Variants in AFF3 observed in about 807,000 individuals in gnomAD.
The protein encoded by AFF3 is AF4/FMR2 family member 3.
In AFF3, 32 loss-of-function variants were observed where a neutral mutation model predicts 129.7. The observed-to-expected ratio is 0.25, with a 90% CI of 0.19 to 0.33. AFF3 has a LOEUF of 0.33. AFF3 is among the 10% of genes least tolerant of loss of function. The pLI is 1.00. For missense variants in AFF3, 1,373 were observed against 1,592.0 expected, an observed-to-expected ratio of 0.86 and a Z score of 2.34; for synonymous variants, 644 against 635.4, an observed-to-expected ratio of 1.01 and a Z score of -0.20.
intron 4 of AFF3, among the ~76,000 whole-genome samples, chr2:100,017,757 C>G (rs1455891379): frequency 1.3e-5 from 2 of 152,172 alleles, no homozygotes; most frequent in African/African-American, 2.4e-5. Context: ...ACAAGAGGCT[C>G]TGAGGTTAAC....
At chr2:99,905,641 TTTCAAAAA>T (rs1421491609) in intron 7 of AFF3, among the ~76,000 whole-genome samples, 1 of 152,188 alleles carries the variant, frequency 6.6e-6, no homozygotes, top group Non-Finnish European at 1.5e-5. Context: ...GAATTTTATA[TTTCAAAAA>T]CTATAACAGA....
intron 7 of AFF3, among the ~76,000 whole-genome samples, chr2:99,951,644 C>T (rs1164471539): frequency 6.6e-6 from 1 of 152,006 alleles, no homozygotes; most frequent in African/African-American, 2.4e-5. Flanking sequence ...ATTACAATAC[C>T]TTTTTATTTA....
rs867429428 is a variant in AFF3, at chr2:100,061,861, G to C, written c.53+42541C>G. Among the ~76,000 whole-genome samples, 20 of 151,310 alleles carry C rather than the reference G, an allele frequency of 1.3e-4. 1 individual carries two copies. The highest frequency in any genetic ancestry group is 3.3e-4 in the Admixed American group (5 of 15,204). On this transcript the variant is annotated intron_variant, in intron 4 of 24. Transcript: ENST00000672756. The stretch of plus-strand genomic sequence containing the variant: ...AAGAGATGGGTAGCACAGTGGAGGG[G>C]GGGGGGGTGCCGACTCTCAAGTCCA...
chr2:99,847,086 T>G (rs1266622264), intron 7 of AFF3, among the ~76,000 whole-genome samples: 2 of 152,206 alleles, frequency 1.3e-5, no homozygotes, highest in Admixed American at 6.5e-5. Flanking sequence ...ACTTTTTTTG[T>G]TGGCTGCTGA....
rs544344381 is a variant in AFF3 at position 99,613,326 on chromosome 2, TG to T, written c.1185-11706del. Among the ~76,000 whole-genome samples the T allele has an allele frequency of 6.8e-3, 1,035 of 152,316 alleles. 6 individuals carry two copies. Among genetic ancestry groups the T allele is most frequent in the South Asian group, 0.019 (90 of 4,826 alleles). ...AGTAATATAAAAGTTATCTGTTCCT[TG>T]AAAGTTTAAAATAATTTGTCACCAA... On this transcript the variant is annotated intron_variant, in intron 13 of 24. Transcript: ENST00000672756.
At chr2:99,775,752 G>C (rs1683850366) in intron 8 of AFF3, among the ~76,000 whole-genome samples, 1 of 151,398 alleles carries the variant, frequency 6.6e-6, no homozygotes, top group Non-Finnish European at 1.5e-5. Context: ...CTCTCAAGAA[G>C]AAAGCCATTA....
intron 7 of AFF3, among the ~76,000 whole-genome samples, chr2:99,958,081 C>T (rs1380544021): frequency 3.9e-5 from 6 of 152,138 alleles, no homozygotes; most frequent in Admixed American, 3.9e-4. Context: ...GACACACCTA[C>T]AAGAGGGACA....
At chr2:100,142,330 C>T (rs772296685) in intron 1 of AFF3, among the ~76,000 whole-genome samples, 154 bp downstream of exon 1, 1 of 152,076 alleles carries the variant, frequency 6.6e-6, no homozygotes, top group Non-Finnish European at 1.5e-5. Flanking sequence ...TGGACCATCT[C>T]GGTGAGGCTG....
chr2:99,556,682 G>A (rs998281000), intron 22 of AFF3, among the ~76,000 whole-genome samples: 1 of 152,152 alleles, frequency 6.6e-6, no homozygotes, highest in African/African-American at 2.4e-5. Flanking sequence ...AGCACTTTGG[G>A]AGGCCAAGGC....
intron 7 of AFF3, among the ~76,000 whole-genome samples, chr2:100,005,943 G>C (rs1487201922): frequency 6.6e-6 from 1 of 152,132 alleles, no homozygotes; most frequent in Non-Finnish European, 1.5e-5. Context: ...TAATGTTCTA[G>C]AACTCACATT....
chr2:99,636,233 G>A (rs1218096916), intron 13 of AFF3, among the ~76,000 whole-genome samples: 2 of 152,126 alleles, frequency 1.3e-5, no homozygotes, highest in Non-Finnish European at 2.9e-5. Flanking sequence ...GCCTAATGTG[G>A]CTCCCTGACT....
intron 8 of AFF3, among the ~76,000 whole-genome samples, chr2:99,806,144 G>A (rs968333364): frequency 1.3e-5 from 2 of 152,066 alleles, no homozygotes; most frequent in Non-Finnish European, 2.9e-5. Context: ...AATAAGGTTC[G>A]CATTTGTCAG....
At chr2:99,794,048 C>T (rs369771903) in intron 8 of AFF3, among the ~76,000 whole-genome samples, 64 of 152,228 alleles carry the variant, frequency 4.2e-4, no homozygotes, top group African/African-American at 1.5e-3. Context: ...GTTTCATTTC[C>T]CCATATTGGG....
At chr2:99,716,783 T>C (rs1361740900) in intron 11 of AFF3, among the ~76,000 whole-genome samples, 3 of 151,868 alleles carry the variant, frequency 2.0e-5, no homozygotes, top group Non-Finnish European at 4.4e-5. Flanking sequence ...TTGGGGGGGC[T>C]GAGGCAGGAG....
intron 4 of AFF3, among the ~76,000 whole-genome samples, chr2:100,064,887 G>C (rs1214613372): frequency 6.6e-6 from 1 of 152,162 alleles, no homozygotes; most frequent in Non-Finnish European, 1.5e-5. Context: ...ATATACATCA[G>C]CTAGCCAGAA....
intron 2 of AFF3, among the ~76,000 whole-genome samples, chr2:100,121,668 G>A (rs578011134): frequency 1.3e-5 from 2 of 152,320 alleles, no homozygotes; most frequent in South Asian, 4.1e-4. Context: ...GGCACCTGGG[G>A]TGAGGAAGAC....
At chr2:99,556,110 G>T (rs1674891259) in intron 22 of AFF3, among the ~76,000 whole-genome samples, 1 of 152,148 alleles carries the variant, frequency 6.6e-6, no homozygotes, top group African/African-American at 2.4e-5. Context: ...TGGCAGAAGG[G>T]GAGAAAGGCT....
chr2:99,703,602 T>C (rs1335998278), intron 11 of AFF3, among the ~76,000 whole-genome samples: 2 of 152,228 alleles, frequency 1.3e-5, no homozygotes, highest in Admixed American at 6.5e-5. Context: ...AGTCTGCCAT[T>C]TTCTTCGTTT....
At position 99,569,742 on chromosome 2, in the gene AFF3, C is replaced by T. The variant is rs570436802; in HGVS notation, c.2919-827G>A. On this transcript the variant is annotated intron_variant, in intron 18 of 24. Transcript: ENST00000672756. ...TTAAAAAAATGACATTTTTAGGCAC[C>T]GGCAGCATAAACTTTATATAATCAA... 2.2e-3 allele frequency among the ~76,000 whole-genome samples: 342 copies of T among 152,140 alleles called. 1 individual carries two copies. The highest frequency in any genetic ancestry group is 1.0e-2 in the South Asian group (48 of 4,816).
Sources: gnomAD v4.1 joint callset for allele counts (sites outside exome capture counted in the v4.1 genomes callset) on GRCh38, gnomAD v4.1.1 for gene constraint, MANE v1.5 for transcripts, NCBI Gene and HGNC (gene_info 2026-07-23, HGNC 2026-07-21) for gene names.